PTGFR: variants seen among roughly 807,000 people sequenced by gnomAD.
PTGFR encodes prostaglandin F receptor, also known as prostaglandin F2-alpha receptor.
Under a neutral mutation model 26.2 loss-of-function variants are expected in PTGFR, and 15 were observed. That is an observed-to-expected ratio of 0.57 (90% CI 0.38 to 0.88). The LOEUF (loss-of-function observed/expected upper bound fraction) is 0.88. PTGFR is among the 40% of genes least tolerant of loss of function. The pLI is 0.00. For synonymous variants in PTGFR, 165 were observed against 151.1 expected, an observed-to-expected ratio of 1.09 and a Z score of -0.68; for missense variants, 369 against 427.2, an observed-to-expected ratio of 0.86 and a Z score of 1.20.
intron 2 of PTGFR, among the ~76,000 whole-genome samples, chr1:78,501,901 A>C (rs1209257272): frequency 6.6e-6 from 1 of 152,210 alleles, no homozygotes; most frequent in Non-Finnish European, 1.5e-5. Flanking sequence ...AGTGATTGGC[A>C]CATAGTAAAT....
intron 2 of PTGFR, among the ~76,000 whole-genome samples, chr1:78,507,520 G>A (rs1229749272): frequency 6.6e-6 from 1 of 152,112 alleles, no homozygotes; most frequent in Non-Finnish European, 1.5e-5. Flanking sequence ...ATTTTTGGAA[G>A]TTCCATAGGG....
intron 2 of PTGFR, among the ~76,000 whole-genome samples, chr1:78,512,956 AT>A (rs1650008365): frequency 6.6e-6 from 1 of 152,066 alleles, no homozygotes; most frequent in East Asian, 1.9e-4. Flanking sequence ...TTATAACCGT[AT>A]GCTTCCTAAT....
chr1:78,516,398 G>C (rs1344293895), intron 2 of PTGFR, among the ~76,000 whole-genome samples: 1 of 152,118 alleles, frequency 6.6e-6, no homozygotes, highest in Non-Finnish European at 1.5e-5. Context: ...GAAGAGCTCT[G>C]ACATGAAGAA....
rs574525378 is a variant in PTGFR, at chr1:78,491,387, G to T, written c.-73+151G>T. ...ACCAGATTCCCCAAGCTAGGGAGAC[G>T]CATAGAGAAAGAAGGGTACTCGAGC... On this transcript the variant is annotated intron_variant, in intron 1 of 2. Coordinates refer to ENST00000370757, the MANE Select transcript of PTGFR (RefSeq NM_000959.4). 8.5e-5 allele frequency among the ~76,000 whole-genome samples: 13 copies of T among 152,316 alleles called. No homozygotes were observed. In the East Asian group the frequency reaches 9.7e-4, roughly 11 times the overall value.
At chr1:78,522,946 T>C (rs577333) in intron 2 of PTGFR, among the ~76,000 whole-genome samples, 119,957 of 151,996 alleles carry the variant, frequency 0.79, 48,137 homozygotes, top group African/African-American at 0.95. Flanking sequence ...GTTTTAACTA[T>C]GTAATTATTA....
At position 78,536,472 on chromosome 1, in the gene PTGFR, G is replaced by A; in HGVS notation, c.865G>A (p.Ala289Thr). 1 of 1,612,170 alleles carries A rather than the reference G, an allele frequency of 6.2e-7. No homozygotes were observed. The highest frequency in any genetic ancestry group is 8.5e-7 in the Non-Finnish European group (1 of 1,179,098). ...SLETCETTLF[A>T]LRMATWNQIL... ...GGAAACCTGTGAAACAACACTTTTT[G>A]CTCTCCGAATGGCAACATGGAATCA... Residue 289 changes from alanine to threonine, a missense_variant, in exon 3 of 3, where the codon GCT becomes ACT. Transcript: ENST00000370757.
rs1302200323 is a variant in PTGFR at position 78,508,490 on chromosome 1, C to G, written c.798+14949C>G. Among the ~76,000 whole-genome samples the G allele has an allele frequency of 2.0e-5, 3 of 152,104 alleles. No homozygotes were observed. In the East Asian group the frequency reaches 5.8e-4, roughly 29 times the overall value. On this transcript the variant is annotated intron_variant, in intron 2 of 2. Transcript: ENST00000370757. ...ATTAGGAGTGTGTAGCTGTCATGACCCCCTTTACTGCTCCAAGTACAGCCT... is the reference window on the plus strand; with the variant it reads ...ATTAGGAGTGTGTAGCTGTCATGACGCCCTTTACTGCTCCAAGTACAGCCT...
chr1:78,526,116 G>T (rs1181081473), intron 2 of PTGFR, among the ~76,000 whole-genome samples: 1 of 151,974 alleles, frequency 6.6e-6, no homozygotes, highest in Non-Finnish European at 1.5e-5. Flanking sequence ...TGAAAAAAAG[G>T]TCCTGCCCAA....
intron 2 of PTGFR, among the ~76,000 whole-genome samples, chr1:78,498,229 T>G (rs1570270237): frequency 6.6e-6 from 1 of 152,208 alleles, no homozygotes; most frequent in Admixed American, 6.5e-5. Flanking sequence ...TTATTTTCTT[T>G]GAAAGGCTGA....
At chr1:78,530,319 CTGT>C (rs781341875) in intron 2 of PTGFR, among the ~76,000 whole-genome samples, 3 of 152,142 alleles carry the variant, frequency 2.0e-5, no homozygotes, top group Admixed American at 6.6e-5. Context: ...TTGGTTATAT[CTGT>C]TGTTATGGGC....
chr1:78,514,653 TA>T (rs1489512623), intron 2 of PTGFR, among the ~76,000 whole-genome samples: 1 of 152,108 alleles, frequency 6.6e-6, no homozygotes, highest in Non-Finnish European at 1.5e-5. Context: ...ATTTGGGGCC[TA>T]GGGGTGGAAT....
intron 2 of PTGFR, among the ~76,000 whole-genome samples, chr1:78,504,764 C>T (rs1007230497): frequency 6.6e-6 from 1 of 152,008 alleles, no homozygotes; most frequent in Admixed American, 6.6e-5. Flanking sequence ...TCTGAATTTT[C>T]TATTGAATGG....
chr1:78,519,350 A>G (rs989152689), intron 2 of PTGFR, among the ~76,000 whole-genome samples: 6 of 152,172 alleles, frequency 3.9e-5, no homozygotes, highest in Admixed American at 1.3e-4. Context: ...TCAGTAAAAT[A>G]TAGATATTAG....
intron 2 of PTGFR, among the ~76,000 whole-genome samples, chr1:78,505,443 T>G (rs1351959497): frequency 6.6e-6 from 1 of 152,150 alleles, no homozygotes; most frequent in Non-Finnish European, 1.5e-5. Context: ...TTTAAAAATT[T>G]TTGTTTCTAC....
intron 2 of PTGFR, among the ~76,000 whole-genome samples, chr1:78,497,417 TCA>T (rs1649580313): frequency 1.3e-5 from 2 of 152,154 alleles, no homozygotes; most frequent in African/African-American, 4.8e-5. Flanking sequence ...CCTAGATGAA[TCA>T]CTTTTCCTTA....
intron 2 of PTGFR, among the ~76,000 whole-genome samples, chr1:78,523,714 T>C (rs1650301211): frequency 6.6e-6 from 1 of 152,168 alleles, no homozygotes; most frequent in Admixed American, 6.6e-5. Flanking sequence ...GCTTATATAA[T>C]AAAGAGATGC....
At chr1:78,494,851 G>C (rs1245443909) in intron 2 of PTGFR, among the ~76,000 whole-genome samples, 1 of 152,056 alleles carries the variant, frequency 6.6e-6, no homozygotes, top group Non-Finnish European at 1.5e-5. Context: ...TAATCCTTCC[G>C]CCTCGGCCTC....
Position 78,503,008 on chromosome 1 carries a change from A to T in PTGFR, c.798+9467A>T, listed in dbSNP as rs908491252. ...AAATTTCTCTGGGCTATCATTTACA[A>T]AGAAAAATTACTGGAAATAAATGTA... On this transcript the variant is annotated intron_variant, in intron 2 of 2. Transcript: ENST00000370757. Among the ~76,000 whole-genome samples the T allele has an allele frequency of 3.9e-5, 6 of 152,164 alleles. No homozygotes were observed. In the South Asian group the frequency reaches 1.2e-3, roughly 32 times the overall value.
chr1:78,536,236 TTG>T (rs1297017122), intron 2 of PTGFR, among the ~76,000 whole-genome samples, 168 bp from the exon 3 acceptor site: 1 of 152,138 alleles, frequency 6.6e-6, no homozygotes, highest in Non-Finnish European at 1.5e-5. Context: ...AATGATTCAT[TTG>T]TCTCCATCAG....
Sources: gnomAD v4.1 joint callset for allele counts (sites outside exome capture counted in the v4.1 genomes callset) on GRCh38, gnomAD v4.1.1 for gene constraint, MANE v1.5 for transcripts, NCBI Gene and HGNC (gene_info 2026-07-23, HGNC 2026-07-21) for gene names.